Variants in PCDHB12 observed in about 807,000 individuals in gnomAD.
The protein encoded by PCDHB12 is protocadherin beta 12.
For missense variants in PCDHB12, 1,192 were observed against 998.2 expected (o/e 1.19, Z -2.62); for synonymous variants, 560 against 445.2 (o/e 1.26, Z -3.24).
chr5:141,208,898 A>G lies in PCDHB12; in HGVS notation c.-10A>G. On this transcript the variant is annotated 5_prime_UTR_variant, in exon 1 of 1. Coordinates refer to ENST00000239450, the MANE Select transcript of PCDHB12 (RefSeq NM_018932.4). ...CTGCAAGAAGATTTTGGGGTTTTGG[A>G]AAAGAAGCTATGGAAAACGGAGGGG... is the stretch of plus-strand genomic sequence containing the variant. 6.6e-7 allele frequency: 1 copy of G among 1,513,762 alleles called. No homozygotes were observed. The allele number at this position is 1,513,762 out of a possible 1,614,324, so 93.8% of individuals were successfully genotyped here. A position where few individuals can be genotyped will look rare whatever the true frequency, so the allele number is the denominator to read the frequency against.
Position 141,209,878 on chromosome 5 carries a change from G to T in PCDHB12, c.971G>T (p.Gly324Val), listed in dbSNP as rs139586852. 4.3e-6 allele frequency: 7 copies of T among 1,614,186 alleles called. No homozygotes were observed. In the Admixed American group the frequency reaches 8.3e-5, roughly 19 times the overall value. Reference protein sequence around the residue: ...SYSIIIQATDGGGLFGKSTVR... With the variant: ...SYSIIIQATDVGGLFGKSTVR... ...TCAATAATCATTCAAGCCACAGATG[G>T]GGGAGGACTTTTTGGAAAATCTACA... Residue 324 changes from glycine (G) to valine (V), a missense_variant, in exon 1 of 1, where the codon GGG becomes GTG. By Grantham distance (109) the Gly-to-Val change is moderately radical. Transcript: ENST00000239450.
chr5:141,208,754 A>G lies in PCDHB12; in HGVS notation c.-154A>G, dbSNP rs1754355373. ...GAGAACTGGGAAGACAGAAAGAACA[A>G]TCCTTTAAGGGAGAACCTAGAAGCC... is the stretch of plus-strand genomic sequence containing the variant. On this transcript the variant is annotated 5_prime_UTR_variant, in exon 1 of 1. Transcript: ENST00000239450. 4 of 561,146 alleles carry G rather than the reference A, an allele frequency of 7.1e-6. No homozygotes were observed. The highest frequency in any genetic ancestry group is 1.2e-5 in the Non-Finnish European group (4 of 337,988). The allele number at this position is 561,146 out of a possible 1,614,324, so 34.8% of individuals were successfully genotyped here.
Position 141,210,860 on chromosome 5 carries a change from G to T in PCDHB12, c.1953G>T (p.Pro651=), listed in dbSNP as rs540092611. 1.5e-3 allele frequency: 2,359 copies of T among 1,603,606 alleles called. 4 individuals carry two copies. Among genetic ancestry groups the T allele is most frequent in the Non-Finnish European group, 1.7e-3 (2,042 of 1,179,222 alleles). The change falls in exon 1 of 1, where the codon CCG becomes CCT. Residue 651 remains proline (P), a synonymous_variant. Coordinates refer to ENST00000239450, the MANE Select transcript of PCDHB12 (RefSeq NM_018932.4). ...TGGTCAAGGACAATGGCGAGCCTCC[G>T]CGCTCGGCCACCGCCACGCTGCACG... ...VVLVKDNGEP[P]RSATATLHVL...
Position 141,209,993 on chromosome 5 carries a change from G to A in PCDHB12, c.1086G>A (p.Glu362=). Residue 362 remains glutamate, a synonymous_variant, in exon 1 of 1, where the codon GAG becomes GAA. Transcript: ENST00000239450. Reference sequence around the variant, plus strand: ...GTCCAATCCCAGAAAACACTCCAGAGACTGTGGTTATGGTTTTCAGGATAC... The same window carrying A: ...GTCCAATCCCAGAAAACACTCCAGAAACTGTGGTTATGGTTTTCAGGATAC... ...ITSPIPENTP[E]TVVMVFRIRD... The A allele has an allele frequency of 6.2e-7, 1 of 1,614,204 alleles. No homozygotes were observed. Among genetic ancestry groups the A allele is most frequent in the South Asian group, 1.1e-5 (1 of 91,076 alleles).
Position 141,209,273 on chromosome 5 carries a change from G to C in PCDHB12, c.366G>C (p.Gln122His). The C allele has an allele frequency of 2.5e-6, 4 of 1,614,160 alleles. No individual in the cohort carries two copies. The highest frequency in any genetic ancestry group is 3.4e-6 in the Non-Finnish European group (4 of 1,180,038). ...CGCAGTTTTTACAAATTGAGCTCCAGGTCAGGGATATAAATGATCACTCTC... is the reference window on the plus strand; with the variant it reads ...CGCAGTTTTTACAAATTGAGCTCCACGTCAGGGATATAAATGATCACTCTC... ...NPTQFLQIEL[Q>H]VRDINDHSPV... The change falls in exon 1 of 1, where the codon CAG (glutamine) becomes CAC (histidine). Residue 122 changes from glutamine to histidine, a missense_variant. Gln to His is a conservative substitution (Grantham distance 24). Coordinates refer to ENST00000239450, the MANE Select transcript of PCDHB12 (RefSeq NM_018932.4).
In PCDHB12 at chr5:141,209,640, G is replaced by A. The variant is rs1754385985; in HGVS notation, c.733G>A (p.Ala245Thr). The change falls in exon 1 of 1, where the codon GCT (alanine) becomes ACT (threonine). Residue 245 changes from alanine to threonine, a missense_variant. Coordinates refer to ENST00000239450, the MANE Select transcript of PCDHB12 (RefSeq NM_018932.4). ...TGACAACTCCCCTGAGTTTGAGCAGGCTTTTTATGAGGTGAAGATTCTGGA... is the reference window on the plus strand; with the variant it reads ...TGACAACTCCCCTGAGTTTGAGCAGACTTTTTATGAGGTGAAGATTCTGGA... ...INDNSPEFEQ[A>T]FYEVKILENS... 1.2e-6 allele frequency: 2 copies of A among 1,614,188 alleles called. No individual in the cohort carries two copies. The highest frequency in any genetic ancestry group is 1.3e-5 in the African/African-American group (1 of 75,048).
rs142936672 is a variant in PCDHB12, at chr5:141,210,431, G to A, written c.1524G>A (p.Ala508=). 147 of 1,613,076 alleles carry A rather than the reference G, an allele frequency of 9.1e-5. 1 individual carries two copies. In the African/African-American group the frequency reaches 1.3e-3, roughly 15 times the overall value. ...TCGCCTCCCTGGTCTCCATCAACGCGGACAACGGCCACCTGTTTGCCCTCA... is the reference window on the plus strand; with the variant it reads ...TCGCCTCCCTGGTCTCCATCAACGCAGACAACGGCCACCTGTTTGCCCTCA... ...LPLASLVSIN[A]DNGHLFALRS... The change falls in exon 1 of 1, where the codon GCG becomes GCA. Residue 508 remains alanine, a synonymous_variant. Transcript: ENST00000239450.
At position 141,209,496 on chromosome 5, in the gene PCDHB12, G is replaced by C; in HGVS notation, c.589G>C (p.Asp197His). Residue 197 changes from aspartate (D) to histidine (H), a missense_variant, in exon 1 of 1, where the codon GAC becomes CAC. Coordinates refer to ENST00000239450, the MANE Select transcript of PCDHB12 (RefSeq NM_018932.4). ...TAGGAAATACCCTGAGTTAGTTCTG[G>C]ACAAGGCGCTGGATTATGAAGAGCG... ...DNRKYPELVLDKALDYEERPE... is the reference protein window; with the variant it reads ...DNRKYPELVLHKALDYEERPE... The C allele has an allele frequency of 6.2e-7, 1 of 1,614,176 alleles. No individual in the cohort carries two copies. The highest frequency in any genetic ancestry group is 8.5e-7 in the Non-Finnish European group (1 of 1,180,046).
Position 141,210,240 on chromosome 5 carries a change from A to G in PCDHB12, c.1333A>G (p.Asn445Asp). The change falls in exon 1 of 1, where the codon AAT becomes GAT. Residue 445 changes from asparagine to aspartate, a missense_variant. Physicochemically the swap from Asn to Asp is conservative, Grantham distance 23 (BLOSUM62 1). Transcript: ENST00000239450. Reference sequence around the variant, plus strand: ...CATAACCGTGCTGGTCTCCGACGTCAATGACAACGCCCCCGCCTTCACCCA... The same window carrying G: ...CATAACCGTGCTGGTCTCCGACGTCGATGACAACGCCCCCGCCTTCACCCA... ...HNITVLVSDV[N>D]DNAPAFTQTS... 6.2e-7 allele frequency: 1 copy of G among 1,614,156 alleles called. No homozygotes were observed. Among genetic ancestry groups the G allele is most frequent in the African/African-American group, 1.3e-5 (1 of 75,046 alleles).
Position 141,210,059 on chromosome 5 carries a change from T to C in PCDHB12, c.1152T>C (p.Ser384=), listed in dbSNP as rs1327411121. The C allele has an allele frequency of 6.2e-7, 1 of 1,614,232 alleles. No homozygotes were observed. The highest frequency in any genetic ancestry group is 8.5e-7 in the Non-Finnish European group (1 of 1,180,044). Residue 384 remains serine, a synonymous_variant, in exon 1 of 1, where the codon TCT becomes TCC. Coordinates refer to ENST00000239450, the MANE Select transcript of PCDHB12 (RefSeq NM_018932.4). ...GGGACAACGGAAAGATGGTTTGTTCTATCCCGGAGGACATCCCATTCGTGC... is the reference window on the plus strand; with the variant it reads ...GGGACAACGGAAAGATGGTTTGTTCCATCCCGGAGGACATCCCATTCGTGC... ...DSGDNGKMVC[S]IPEDIPFVLK... is the part of the protein sequence containing the mutation.
In PCDHB12 at chr5:141,210,085, T is replaced by C. The variant is rs782813033; in HGVS notation, c.1178T>C (p.Leu393Pro). The C allele has an allele frequency of 4.3e-6, 7 of 1,614,192 alleles. No individual in the cohort carries two copies. In the Admixed American group the frequency reaches 1.2e-4, roughly 27 times the overall value. The part of the protein sequence containing the change: ...CSIPEDIPFV[L>P]KSSVNNYYTL... ...ATCCCGGAGGACATCCCATTCGTGC[T>C]AAAATCTTCGGTAAATAATTACTAC... Residue 393 changes from leucine to proline, a missense_variant, in exon 1 of 1, where the codon CTA (leucine) becomes CCA (proline). By Grantham distance (98) the Leu-to-Pro change is moderately conservative. Coordinates refer to ENST00000239450, the MANE Select transcript of PCDHB12 (RefSeq NM_018932.4).
At position 141,211,018 on chromosome 5, in the gene PCDHB12, C is replaced by G. The variant is rs1347203547; in HGVS notation, c.2111C>G (p.Ser704Trp). The change falls in exon 1 of 1, where the codon TCG becomes TGG. Residue 704 changes from serine (S) to tryptophan (W), a missense_variant. Physicochemically the swap from Ser to Trp is radical, Grantham distance 177 (BLOSUM62 -3). Coordinates refer to ENST00000239450, the MANE Select transcript of PCDHB12 (RefSeq NM_018932.4). ...LASVSSLFLF[S>W]VLLFVAVRLC... ...TCAGTGTCGTCGCTCTTCCTCTTCT[C>G]GGTGCTCCTGTTCGTGGCGGTGCGG... 2 of 1,611,862 alleles carry G rather than the reference C, an allele frequency of 1.2e-6. No homozygotes were observed. Among genetic ancestry groups the G allele is most frequent in the Non-Finnish European group, 1.7e-6 (2 of 1,179,954 alleles).
In PCDHB12 at chr5:141,212,258, T is replaced by C. The variant is rs1554287327; in HGVS notation, c.*963T>C. ...TATTTTCTTTACATTGTAGTATATT[T>C]CCAGAGTCACCCATGCTTACATTTG... On this transcript the variant is annotated 3_prime_UTR_variant, in exon 1 of 1. Coordinates refer to ENST00000239450, the MANE Select transcript of PCDHB12 (RefSeq NM_018932.4). 6.1e-6 allele frequency: 1 copy of C among 164,082 alleles called. No individual in the cohort carries two copies. The highest frequency in any genetic ancestry group is 1.5e-5 in the Non-Finnish European group (1 of 68,094). 10.2% of individuals were successfully genotyped at this position (164,082 alleles called of 1,614,324 possible).
Position 141,209,772 on chromosome 5 carries a change from C to T in PCDHB12, c.865C>T (p.Arg289Cys). ...CTTTTCCCATGCCTCAGAAGATATT[C>T]GCAAGACATTTGAAATTAATCAAAA... ...YTFSHASEDI[R>C]KTFEINQKSG... The change falls in exon 1 of 1, where the codon CGC becomes TGC. Residue 289 changes from arginine to cysteine, a missense_variant. Physicochemically the swap from Arg to Cys is radical, Grantham distance 180. Transcript: ENST00000239450. 1.2e-6 allele frequency: 2 copies of T among 1,614,188 alleles called. No individual in the cohort carries two copies. The highest frequency in any genetic ancestry group is 1.7e-5 in the Admixed American group (1 of 60,022).
At position 141,211,051 on chromosome 5, in the gene PCDHB12, G is replaced by A. The variant is rs143478907; in HGVS notation, c.2144G>A (p.Arg715Lys). 6.2e-5 allele frequency: 100 copies of A among 1,612,942 alleles called. No individual in the cohort carries two copies. The African/African-American group carries it at 1.3e-3, about 21-fold the overall frequency. The stretch of plus-strand genomic sequence containing the variant: ...CTGTTCGTGGCGGTGCGGCTGTGCA[G>A]GAGGAGCAGGGCGGCCCCGGTCGGT... ...VLLFVAVRLC[R>K]RSRAAPVGRC... Residue 715 changes from arginine to lysine, a missense_variant, in exon 1 of 1, where the codon AGG becomes AAG. By Grantham distance (26) the Arg-to-Lys change is conservative. Coordinates refer to ENST00000239450, the MANE Select transcript of PCDHB12 (RefSeq NM_018932.4).
At position 141,210,056 on chromosome 5, in the gene PCDHB12, T is replaced by C; in HGVS notation, c.1149T>C (p.Cys383=). Reference sequence around the variant, plus strand: ...CTGGGGACAACGGAAAGATGGTTTGTTCTATCCCGGAGGACATCCCATTCG... The same window carrying C: ...CTGGGGACAACGGAAAGATGGTTTGCTCTATCCCGGAGGACATCCCATTCG... ...RDSGDNGKMV[C]SIPEDIPFVL... is the part of the protein sequence containing the mutation. Residue 383 remains cysteine (C), a synonymous_variant, in exon 1 of 1, where the codon TGT becomes TGC. Transcript: ENST00000239450. 6.2e-7 allele frequency: 1 copy of C among 1,614,186 alleles called. No homozygotes were observed. Among genetic ancestry groups the C allele is most frequent in the African/African-American group, 1.3e-5 (1 of 75,038 alleles).
chr5:141,209,796 A>C lies in PCDHB12; in HGVS notation c.889A>C (p.Lys297Gln). ...DIRKTFEINQ[K>Q]SGDITLTAPL... ...TCGCAAGACATTTGAAATTAATCAA[A>C]AGTCTGGTGACATTACTTTAACAGC... Residue 297 changes from lysine (K) to glutamine (Q), a missense_variant, in exon 1 of 1, where the codon AAG (lysine) becomes CAG (glutamine). Physicochemically the swap from Lys to Gln is moderately conservative, Grantham distance 53 (BLOSUM62 1). Coordinates refer to ENST00000239450, the MANE Select transcript of PCDHB12 (RefSeq NM_018932.4). 2 of 1,614,218 alleles carry C rather than the reference A, an allele frequency of 1.2e-6. No homozygotes were observed. The highest frequency in any genetic ancestry group is 8.5e-7 in the Non-Finnish European group (1 of 1,180,018).
Position 141,209,768 on chromosome 5 carries a change from T to C in PCDHB12, c.861T>C (p.Asp287=). 1 of 1,614,234 alleles carries C rather than the reference T, an allele frequency of 6.2e-7. No individual in the cohort carries two copies. The highest frequency in any genetic ancestry group is 2.2e-5 in the East Asian group (1 of 44,880). ...ATACCTTTTCCCATGCCTCAGAAGA[T>C]ATTCGCAAGACATTTGAAATTAATC... ...LSYTFSHASE[D]IRKTFEINQK... is the part of the protein sequence containing the mutation. The change falls in exon 1 of 1, where the codon GAT becomes GAC. Residue 287 remains aspartate, a synonymous_variant. Transcript: ENST00000239450.
In PCDHB12 at chr5:141,210,874, C is replaced by G; in HGVS notation, c.1967C>G (p.Ala656Gly). The change falls in exon 1 of 1, where the codon GCC (alanine) becomes GGC (glycine). Residue 656 changes from alanine (A) to glycine (G), a missense_variant. By Grantham distance (60) the Ala-to-Gly change is moderately conservative (BLOSUM62 0). Coordinates refer to ENST00000239450, the MANE Select transcript of PCDHB12 (RefSeq NM_018932.4). ...DNGEPPRSAT[A>G]TLHVLLVDGF... ...GGCGAGCCTCCGCGCTCGGCCACCG[C>G]CACGCTGCACGTGCTCCTGGTGGAC... 2 of 1,605,506 alleles carry G rather than the reference C, an allele frequency of 1.2e-6. No homozygotes were observed. The highest frequency in any genetic ancestry group is 1.7e-6 in the Non-Finnish European group (2 of 1,179,402).
Sources: allele counts gnomAD v4.1 joint callset, GRCh38; gene constraint gnomAD v4.1.1; transcripts MANE v1.5; gene names NCBI Gene and HGNC (gene_info 2026-07-23, HGNC 2026-07-21).